Variants in LOC128462377 observed in about 807,000 individuals in gnomAD.
At chr16:89,360,998 G>A in the LOC128462377 span, among the ~76,000 whole-genome samples, 2 of 152,136 alleles carry the variant, frequency 1.3e-5, no homozygotes, top group South Asian at 2.1e-4. Context: ...AGATGGATCC[G>A]ATCCAACTCA....
At chr16:89,364,351 CATT>C in the LOC128462377 span, among the ~76,000 whole-genome samples, 1 of 152,204 alleles carries the variant, frequency 6.6e-6, no homozygotes, top group Non-Finnish European at 1.5e-5. Context: ...ACTCATAAAT[CATT>C]ATTTTCTTAA....
At chr16:89,325,465 T>TCACA in the LOC128462377 span, among the ~76,000 whole-genome samples, 1,315 of 139,398 alleles carry the variant, frequency 9.4e-3, 26 homozygotes, top group African/African-American at 0.037. Flanking sequence ...TCTCTCTCTC[T>TCACA]CTCTCACACA....
chr16:89,354,243 C>A, the LOC128462377 span, among the ~76,000 whole-genome samples: 193 of 126,064 alleles, frequency 1.5e-3, no homozygotes, highest in South Asian at 2.4e-3. Flanking sequence ...TGCATTCAGC[C>A]AAAAAAAAAA....
the LOC128462377 span, among the ~76,000 whole-genome samples, chr16:89,396,538 ATTT>A: frequency 5.9e-4 from 88 of 150,330 alleles, no homozygotes; most frequent in African/African-American, 2.1e-3. Context: ...TTCCCACTAG[ATTT>A]TTTTTTTGTA....
chr16:89,351,179 A>G, the LOC128462377 span, among the ~76,000 whole-genome samples: 1 of 152,354 alleles, frequency 6.6e-6, no homozygotes, highest in Non-Finnish European at 1.5e-5. Flanking sequence ...TGTTGTGAAG[A>G]AAAGCAGAGA....
At chr16:89,394,665 C>T in the LOC128462377 span, among the ~76,000 whole-genome samples, 4 of 149,938 alleles carry the variant, frequency 2.7e-5, no homozygotes, top group South Asian at 2.1e-4. Context: ...TGTGGAAAAA[C>T]GAGTGTATTT....
the LOC128462377 span, among the ~76,000 whole-genome samples, chr16:89,367,644 C>T: frequency 1.3e-5 from 2 of 152,166 alleles, no homozygotes; most frequent in African/African-American, 4.8e-5. Flanking sequence ...TGGCACAAAA[C>T]CTCCCTTGAC....
chr16:89,323,896 C>T, the LOC128462377 span: 2 of 217,386 alleles, frequency 9.2e-6, no homozygotes, highest in South Asian at 6.2e-5. Context: ...CTGGCCAAGG[C>T]CAGGCAGGCA....
chr16:89,348,804 A>G, the LOC128462377 span, among the ~76,000 whole-genome samples: 18 of 151,670 alleles, frequency 1.2e-4, no homozygotes, highest in Non-Finnish European at 2.2e-4. Context: ...TCTCATGTCC[A>G]TACTAAAAAT....
the LOC128462377 span, among the ~76,000 whole-genome samples, chr16:89,365,625 G>A: frequency 6.6e-6 from 1 of 152,142 alleles, no homozygotes; most frequent in Non-Finnish European, 1.5e-5. Context: ...CTCAAGAAAG[G>A]GAAGAGCAGT....
the LOC128462377 span, among the ~76,000 whole-genome samples, chr16:89,321,499 C>T: frequency 5.5e-3 from 817 of 147,722 alleles, 6 homozygotes; most frequent in African/African-American, 0.019. Flanking sequence ...GCCGCAGCTG[C>T]GGGGCAGGGG....
At chr16:89,377,602 G>GT in the LOC128462377 span, among the ~76,000 whole-genome samples, 1 of 152,180 alleles carries the variant, frequency 6.6e-6, no homozygotes, top group African/African-American at 2.4e-5. Context: ...CCCACACCAG[G>GT]TGACGAGGAG....
the LOC128462377 span, among the ~76,000 whole-genome samples, chr16:89,326,832 A>AT: frequency 6.6e-6 from 1 of 152,210 alleles, no homozygotes; most frequent in African/African-American, 2.4e-5. Context: ...CTCCTAAGAA[A>AT]GGGGCTTAAC....
At chr16:89,396,430 A>G in the LOC128462377 span, among the ~76,000 whole-genome samples, 1 of 152,132 alleles carries the variant, frequency 6.6e-6, no homozygotes, top group African/African-American at 2.4e-5. Flanking sequence ...GCTGCTGGAA[A>G]CGCTCACAGC....
chr16:89,382,552 C>A, the LOC128462377 span, among the ~76,000 whole-genome samples: 1 of 151,888 alleles, frequency 6.6e-6, no homozygotes, highest in Admixed American at 6.6e-5. Context: ...GTCTCGAACT[C>A]CTGACCTCAA....
the LOC128462377 span, among the ~76,000 whole-genome samples, chr16:89,369,149 C>T: frequency 1.3e-5 from 2 of 152,184 alleles, no homozygotes; most frequent in Non-Finnish European, 2.9e-5. Context: ...CACACCAGAT[C>T]ACAGCATAAG....
the LOC128462377 span, chr16:89,317,219 G>C: frequency 1.5e-6 from 1 of 687,040 alleles, no homozygotes. Flanking sequence ...GCCAGGCCCA[G>C]GAAGGGACTT....
the LOC128462377 span, among the ~76,000 whole-genome samples, chr16:89,328,646 GA>G: frequency 1.0e-3 from 149 of 146,418 alleles, no homozygotes; most frequent in Middle Eastern, 3.6e-3. Flanking sequence ...GAGCACGGGC[GA>G]AATCAGCGGA....
chr16:89,324,117 C>T, the LOC128462377 span: 154 of 663,358 alleles, frequency 2.3e-4, no homozygotes, highest in South Asian at 4.1e-4. Flanking sequence ...CCCAAAGTGC[C>T]CCACGGCACA....
Sources: allele counts gnomAD v4.1 joint callset (sites outside exome capture counted in the v4.1 genomes callset), GRCh38; gene constraint gnomAD v4.1.1; transcripts MANE v1.5.